PI4KA: variants seen among roughly 807,000 people sequenced by gnomAD.
PI4KA encodes PI4-kinase alpha.
PI4KA carries 122 observed loss-of-function variants against 271.4 expected under a neutral mutation model. The ratio of observed to expected loss-of-function variants is 0.45; its 90% CI spans 0.39 to 0.52. The LOEUF is 0.52. Ranked by LOEUF, PI4KA falls within the 20% of genes least tolerant of loss-of-function variation. The pLI is 0.00. For synonymous variants in PI4KA, 1,041 were observed against 1,078.8 expected, an observed-to-expected ratio of 0.96 and a Z score of 0.69; for missense variants, 1,969 against 2,769.1, an observed-to-expected ratio of 0.71 and a Z score of 6.48.
intron 36 of PI4KA, among the ~76,000 whole-genome samples, chr22:20,730,675 A>G (rs1927931687): frequency 6.6e-6 from 1 of 151,976 alleles, no homozygotes; most frequent in Non-Finnish European, 1.5e-5. Context: ...GGTTTAAGCA[A>G]TTCTCCTGTC....
chr22:20,858,575 C>A lies in PI4KA; in HGVS notation c.151G>T (p.Glu51Ter). ...SLAVQRPASL[E>*]KVQKLLCMCP... Reference sequence around the variant, plus strand: ...GCCCAGCCCGCCGACGTTACCTTCTCCAAGGATGCTGGTCTCTGCACCGCC... The same window carrying A: ...GCCCAGCCCGCCGACGTTACCTTCTACAAGGATGCTGGTCTCTGCACCGCC... The change falls in exon 1 of 55, where the codon GAG (glutamate) becomes TAG (stop). Residue 51 changes from glutamate to a stop codon, truncating the protein, a stop_gained. Transcript: ENST00000255882. LOFTEE classifies it high-confidence loss of function. 1.4e-6 allele frequency: 2 copies of A among 1,402,448 alleles called. No homozygotes were observed. Among genetic ancestry groups the A allele is most frequent in the Middle Eastern group, 2.1e-4 (1 of 4,670 alleles). 86.9% of individuals were successfully genotyped at this position (1,402,448 alleles called of 1,614,324 possible).
Position 20,747,909 on chromosome 22 carries a change from A to AT in PI4KA, c.3244-208dup, listed in dbSNP as rs113048153. 0.077 allele frequency among the ~76,000 whole-genome samples: 11,524 copies of AT among 150,292 alleles called. 428 individuals carry two copies. The highest frequency in any genetic ancestry group is 0.091 in the African/African-American group (3,707 of 40,826). ...GCCACTATGCCTGGCTAATTTTGCAATTTTTTTTGTAGAGATGGTGTCTCA... is the reference window on the plus strand; with the variant it reads ...GCCACTATGCCTGGCTAATTTTGCAATTTTTTTTTGTAGAGATGGTGTCTCA... On this transcript the variant is annotated intron_variant, in intron 28 of 54. Coordinates refer to ENST00000255882, the MANE Select transcript of PI4KA (RefSeq NM_058004.4).
chr22:20,761,273 C>A, intron 23 of PI4KA, 31 bp downstream of exon 23: 10 of 1,284,088 alleles, frequency 7.8e-6, no homozygotes, highest in Non-Finnish European at 9.1e-6. Context: ...AAGCTCAATT[C>A]ATCATGAAAG....
intron 19 of PI4KA, chr22:20,779,855 G>A: frequency 6.2e-7 from 1 of 1,614,194 alleles, no homozygotes; most frequent in Non-Finnish European, 8.5e-7. Context: ...ACTCGATTTT[G>A]CATTTTAAAG....
intron 3 of PI4KA, among the ~76,000 whole-genome samples, chr22:20,827,560 A>G (rs935380953): frequency 1.3e-5 from 2 of 152,100 alleles, no homozygotes; most frequent in African/African-American, 4.8e-5. Context: ...AAAAATTTTA[A>G]AATAGTTTTT....
intron 2 of PI4KA, among the ~76,000 whole-genome samples, chr22:20,836,136 T>G (rs923420530): frequency 1.3e-5 from 2 of 152,120 alleles, no homozygotes; most frequent in African/African-American, 4.8e-5. Flanking sequence ...ACCTGGCTCT[T>G]TTTCAGGACA....
chr22:20,807,653 G>C (rs896831744), intron 9 of PI4KA, among the ~76,000 whole-genome samples, 195 bp from the exon 10 acceptor site: 1 of 152,218 alleles, frequency 6.6e-6, no homozygotes, highest in Non-Finnish European at 1.5e-5. Flanking sequence ...AAAACAGGAG[G>C]CTCATGCAGT....
intron 1 of PI4KA, among the ~76,000 whole-genome samples, chr22:20,857,366 C>T (rs1258707407): frequency 1.3e-5 from 2 of 152,174 alleles, no homozygotes; most frequent in Non-Finnish European, 2.9e-5. Flanking sequence ...ATGATAAAAT[C>T]AAATATGAGA....
chr22:20,742,478 A>T, intron 31 of PI4KA, 123 bp from the exon 32 acceptor site: 2 of 1,544,898 alleles, frequency 1.3e-6, no homozygotes, highest in Non-Finnish European at 1.8e-6. Flanking sequence ...CTTTCCACTC[A>T]TGAGAGATAC....
At position 20,740,061 on chromosome 22, in the gene PI4KA, C is replaced by CAAA. The variant is rs59323542; in HGVS notation, c.3741+2164_3741+2166dup. 3.2e-3 allele frequency among the ~76,000 whole-genome samples: 237 copies of CAAA among 73,302 alleles called. 10 individuals carry two copies. The highest frequency in any genetic ancestry group is 8.1e-3 in the African/African-American group (161 of 19,926). 48.1% of individuals were successfully genotyped at this position (73,302 alleles called of 152,430 possible). A position where few individuals can be genotyped will look rare whatever the true frequency, so the allele number is the denominator to read the frequency against. On this transcript the variant is annotated intron_variant, in intron 32 of 54. Transcript: ENST00000255882. ...TGGGCAACAGAGTGAGACCCCATCT[C>CAAA]AAAAAAAAAAAAAAAAAAAAAAAAA...
intron 22 of PI4KA, among the ~76,000 whole-genome samples, chr22:20,763,354 C>T (rs1030172813): frequency 6.6e-6 from 1 of 152,148 alleles, no homozygotes; most frequent in African/African-American, 2.4e-5. Flanking sequence ...TCAGGATCTG[C>T]CTGCCTCGGC....
At chr22:20,758,551 C>T (rs1427666707) in intron 23 of PI4KA, among the ~76,000 whole-genome samples, 4 of 143,918 alleles carry the variant, frequency 2.8e-5, no homozygotes, top group African/African-American at 1.0e-4. Context: ...CAATGTGGCT[C>T]AAGGAAGCCA....
At chr22:20,823,292 GAA>G (rs362221) in intron 4 of PI4KA, among the ~76,000 whole-genome samples, 128,835 of 152,008 alleles carry the variant, frequency 0.85, 55,222 homozygotes, top group African/African-American at 0.96. Flanking sequence ...TTTATTCATA[GAA>G]AAAAGCCCTT....
intron 19 of PI4KA, among the ~76,000 whole-genome samples, chr22:20,768,609 T>G (rs749400786): frequency 4.6e-5 from 7 of 152,170 alleles, no homozygotes; most frequent in Non-Finnish European, 1.0e-4. Context: ...AACATGTTCC[T>G]TTTACAATCA....
intron 19 of PI4KA, among the ~76,000 whole-genome samples, chr22:20,772,680 G>T (rs749657844): frequency 6.6e-6 from 1 of 152,136 alleles, no homozygotes. Flanking sequence ...TCTGGGTGCC[G>T]ACACTCCCAA....
intron 6 of PI4KA, 115 bp downstream of exon 6, chr22:20,819,526 T>C (rs1922320186): frequency 3.1e-6 from 3 of 968,162 alleles, no homozygotes; most frequent in Non-Finnish European, 4.7e-6. Flanking sequence ...AGAATTCTAG[T>C]GAAACATTTC....
At chr22:20,783,947 C>T (rs1412524721) in intron 19 of PI4KA, 4 of 1,614,042 alleles carry the variant, frequency 2.5e-6, no homozygotes, top group African/African-American at 2.7e-5. Flanking sequence ...CTTCTCATAA[C>T]AGCCTCTTCC....
intron 50 of PI4KA, 45 bp from the exon 51 acceptor site, chr22:20,711,506 G>A (rs1374374812): frequency 2.6e-6 from 3 of 1,136,176 alleles, no homozygotes; most frequent in African/African-American, 1.7e-5. Flanking sequence ...TGGGGCCTGT[G>A]GGCATTCTCC....
rs192546502 is a variant in PI4KA, at chr22:20,735,739, C to A, written c.3742-1186G>T. 2.6e-5 allele frequency among the ~76,000 whole-genome samples: 4 copies of A among 152,204 alleles called. No homozygotes were observed. In the East Asian group the frequency reaches 7.7e-4, roughly 29 times the overall value. On this transcript the variant is annotated intron_variant, in intron 32 of 54. Coordinates refer to ENST00000255882, the MANE Select transcript of PI4KA (RefSeq NM_058004.4). ...GCCAGGAGCCGACGGGAGCCCGGGGCGGGGCTCTGTCTGCTGCTTCCCTCT... is the reference window on the plus strand; with the variant it reads ...GCCAGGAGCCGACGGGAGCCCGGGGAGGGGCTCTGTCTGCTGCTTCCCTCT...
Sources: gnomAD v4.1 joint callset for allele counts (sites outside exome capture counted in the v4.1 genomes callset) on GRCh38, gnomAD v4.1.1 for gene constraint, MANE v1.5 for transcripts, NCBI Gene and HGNC (gene_info 2026-07-23, HGNC 2026-07-21) for gene names.